The following SCARA5 variants were observed in gnomAD, a reference collection of about 807,000 sequenced individuals.
SCARA5 encodes scavenger receptor class A, member 5 (putative).
SCARA5 carries 45 observed loss-of-function variants against 46.3 expected under a neutral mutation model. The ratio of observed to expected loss-of-function variants is 0.97; its 90% CI spans 0.76 to 1.24. The LOEUF is 1.24. Among genes scored for constraint, SCARA5 ranks in the 50% most tolerant of loss-of-function variants. The probability of loss-of-function intolerance (pLI) is 0.00; values close to 1 mark genes in which losing one functional copy is unlikely to be tolerated. For missense variants in SCARA5, 680 were observed against 689.0 expected, an observed-to-expected ratio of 0.99 and a Z score of 0.15; for synonymous variants, 333 against 306.5, an observed-to-expected ratio of 1.09 and a Z score of -0.90.
At chr8:27,958,726 G>C (rs1398031775) in intron 3 of SCARA5, among the ~76,000 whole-genome samples, 6 of 152,244 alleles carry the variant, frequency 3.9e-5, no homozygotes, top group Non-Finnish European at 8.8e-5. Flanking sequence ...ATCTAACTGG[G>C]ATCGCTGACA....
At chr8:27,919,909 G>C (rs1431240443) in intron 4 of SCARA5, among the ~76,000 whole-genome samples, 4 of 149,470 alleles carry the variant, frequency 2.7e-5, no homozygotes, top group Non-Finnish European at 4.4e-5. Flanking sequence ...GCTCGCAATG[G>C]TATTATTTGT....
intron 3 of SCARA5, among the ~76,000 whole-genome samples, chr8:27,955,058 G>C (rs1370032250): frequency 6.6e-6 from 1 of 152,154 alleles, no homozygotes; most frequent in Non-Finnish European, 1.5e-5. Context: ...CCCACCCTCA[G>C]AGGTGGCACC....
chr8:27,893,497 G>A (rs1273467923), intron 7 of SCARA5, among the ~76,000 whole-genome samples: 1 of 152,148 alleles, frequency 6.6e-6, no homozygotes, highest in Non-Finnish European at 1.5e-5. Context: ...AAAGCAGGCT[G>A]AGTCTTACCC....
At chr8:27,899,549 C>T (rs150725694) in intron 7 of SCARA5, among the ~76,000 whole-genome samples, 5 of 152,290 alleles carry the variant, frequency 3.3e-5, no homozygotes, top group African/African-American at 4.8e-5. Flanking sequence ...CTACCACGCA[C>T]GAGGCATTGG....
chr8:27,895,490 T>G (rs1334087169), intron 7 of SCARA5, among the ~76,000 whole-genome samples: 1 of 152,262 alleles, frequency 6.6e-6, no homozygotes, highest in Non-Finnish European at 1.5e-5. Flanking sequence ...AATGCCAATC[T>G]GCTCTTAATA....
At chr8:27,986,232 C>T (rs1244976094) in intron 2 of SCARA5, among the ~76,000 whole-genome samples, 4 of 152,228 alleles carry the variant, frequency 2.6e-5, no homozygotes, top group Non-Finnish European at 5.9e-5. Context: ...CCTGACCCAG[C>T]TTGGTGTCAC....
At chr8:27,899,515 C>G (rs916427146) in intron 7 of SCARA5, among the ~76,000 whole-genome samples, 4 of 152,194 alleles carry the variant, frequency 2.6e-5, no homozygotes, top group African/African-American at 7.2e-5. Context: ...TGGAACGTGG[C>G]CTTTCCCGAG....
At chr8:27,931,013 A>G (rs918113781) in intron 3 of SCARA5, among the ~76,000 whole-genome samples, 4 of 152,244 alleles carry the variant, frequency 2.6e-5, no homozygotes, top group Non-Finnish European at 4.4e-5. Flanking sequence ...GCCTTCCTTC[A>G]GGTGGCAGGC....
At chr8:27,878,590 A>C (rs540750754) in intron 8 of SCARA5, among the ~76,000 whole-genome samples, 3 of 152,210 alleles carry the variant, frequency 2.0e-5, no homozygotes, top group African/African-American at 7.2e-5. Flanking sequence ...AGACTCTCCA[A>C]ATCTTGTCAT....
chr8:27,989,129 C>CTTTTTTTTTTTTTTTTTTTTTT (rs34929623), intron 1 of SCARA5, among the ~76,000 whole-genome samples: 1 of 68,312 alleles, frequency 1.5e-5, no homozygotes, highest in African/African-American at 6.2e-5. Context: ...TTCTTTCTTT[C>CTTTTTTTTTTTTTTTTTTTTTT]TTTTTTTTTT....
At chr8:27,919,952 C>G (rs1287738193) in intron 4 of SCARA5, among the ~76,000 whole-genome samples, 1 of 150,010 alleles carries the variant, frequency 6.7e-6, no homozygotes, top group African/African-American at 2.5e-5. Context: ...TCTAACGAAT[C>G]CAGTGGGCCA....
intron 7 of SCARA5, among the ~76,000 whole-genome samples, chr8:27,902,439 C>T (rs1315781663): frequency 2.6e-5 from 4 of 152,172 alleles, no homozygotes; most frequent in Admixed American, 2.6e-4. Flanking sequence ...GCCTGGCCCA[C>T]AGGAGCAAGG....
At chr8:27,981,246 CAG>C (rs766463539) in intron 2 of SCARA5, among the ~76,000 whole-genome samples, 34 of 152,210 alleles carry the variant, frequency 2.2e-4, no homozygotes, top group Non-Finnish European at 4.4e-4. Context: ...GGACACATCA[CAG>C]GGTTTCATAA....
At chr8:27,878,965 G>C (rs900339785) in intron 8 of SCARA5, among the ~76,000 whole-genome samples, 1 of 152,092 alleles carries the variant, frequency 6.6e-6, no homozygotes, top group Non-Finnish European at 1.5e-5. Context: ...TTGCTAGTAG[G>C]CCCAGCTAGT....
chr8:27,898,500 A>G (rs1807099606), intron 7 of SCARA5, among the ~76,000 whole-genome samples: 1 of 152,258 alleles, frequency 6.6e-6, no homozygotes, highest in African/African-American at 2.4e-5. Flanking sequence ...TGATACAGAT[A>G]TAATAAGAAG....
intron 2 of SCARA5, among the ~76,000 whole-genome samples, chr8:27,984,922 T>C (rs1808682597): frequency 6.6e-6 from 1 of 152,090 alleles, no homozygotes; most frequent in Non-Finnish European, 1.5e-5. Flanking sequence ...CATTCATCCA[T>C]TCACCCATTC....
At chr8:27,983,064 T>A (rs1808648412) in intron 2 of SCARA5, among the ~76,000 whole-genome samples, 1 of 152,110 alleles carries the variant, frequency 6.6e-6, no homozygotes, top group African/African-American at 2.4e-5. Flanking sequence ...TCACCTCCTC[T>A]CTTGCTTTTC....
intron 3 of SCARA5, among the ~76,000 whole-genome samples, chr8:27,939,551 TG>T (rs1807909396): frequency 6.6e-6 from 1 of 152,188 alleles, no homozygotes; most frequent in Admixed American, 6.5e-5. Context: ...TAAGAGACCC[TG>T]GCAACCACTG....
chr8:27,938,522 G>A (rs533048536), intron 3 of SCARA5, among the ~76,000 whole-genome samples: 16 of 152,262 alleles, frequency 1.1e-4, no homozygotes, highest in Non-Finnish European at 2.4e-4. Context: ...AACCTCACAT[G>A]CCTGTTTAGA....
Sources: allele counts gnomAD v4.1 joint callset (sites outside exome capture counted in the v4.1 genomes callset), GRCh38; gene constraint gnomAD v4.1.1; transcripts MANE v1.5; gene names NCBI Gene and HGNC (gene_info 2026-07-23, HGNC 2026-07-21).